The following MMP26 variants were observed in gnomAD, a reference collection of about 807,000 sequenced individuals.
The protein encoded by MMP26 is matrix metalloproteinase-26.
Under a neutral mutation model 31.0 loss-of-function variants are expected in MMP26, and 33 were observed. The ratio of observed to expected loss-of-function variants is 1.06; its 90% CI spans 0.81 to 1.42. MMP26 has a LOEUF of 1.42. MMP26 is among the 40% of genes most tolerant of loss of function. The pLI is 0.00. For missense variants in MMP26, 347 were observed against 316.1 expected (o/e 1.10, Z -0.74); for synonymous variants, 122 against 114.9 (o/e 1.06, Z -0.40).
chr11:4,943,388 A>G, intron 2 of MMP26: 3 of 408,630 alleles, frequency 7.3e-6, no homozygotes, highest in South Asian at 3.6e-5. Context: ...CTTCTCTGGT[A>G]TCAGATTGCC....
chr11:4,890,621 C>T (rs1157420151), intron 2 of MMP26: 1 of 152,108 alleles, frequency 6.6e-6, no homozygotes, highest in Non-Finnish European at 1.5e-5. Context: ...AAAGTATTCT[C>T]AGGTCTGAAA....
At chr11:4,870,792 G>T (rs541228335) in intron 2 of MMP26, among the ~76,000 whole-genome samples, 38 of 152,190 alleles carry the variant, frequency 2.5e-4, no homozygotes, top group South Asian at 1.2e-3. Context: ...TTTCCTATTT[G>T]TATTACAGTG....
At chr11:4,910,378 T>C (rs1850972722) in intron 2 of MMP26, among the ~76,000 whole-genome samples, 1 of 152,154 alleles carries the variant, frequency 6.6e-6, no homozygotes, top group Admixed American at 6.6e-5. Flanking sequence ...GTTTTGAATC[T>C]TAATCAGTCT....
rs781709452 is a variant in MMP26 at position 4,796,651 on chromosome 11, T to A, written c.-145+29310T>A. Among the ~76,000 whole-genome samples the A allele has an allele frequency of 4.0e-4, 61 of 152,156 alleles. 1 individual carries two copies. Among genetic ancestry groups the A allele is most frequent in the Non-Finnish European group, 2.2e-4 (15 of 68,026 alleles). ...GACAGGTCTGATAGGTGATTACTGTTTTACTCTGAGAAGAGAGGAAATAGA... is the reference window on the plus strand; with the variant it reads ...GACAGGTCTGATAGGTGATTACTGTATTACTCTGAGAAGAGAGGAAATAGA... On this transcript the variant is annotated intron_variant, in intron 2 of 7. Transcript: ENST00000380390.
At chr11:4,800,948 CAGCTCCCAAT>C (rs1849172671) in intron 2 of MMP26, among the ~76,000 whole-genome samples, 1 of 151,358 alleles carries the variant, frequency 6.6e-6, no homozygotes, top group African/African-American at 2.4e-5. Flanking sequence ...ACCTTAATTC[CAGCTCCCAAT>C]AGCTTCCTCA....
chr11:4,842,750 C>T (rs1286471507), intron 2 of MMP26, among the ~76,000 whole-genome samples: 1 of 152,138 alleles, frequency 6.6e-6, no homozygotes, highest in Non-Finnish European at 1.5e-5. Flanking sequence ...TCCCTATAGT[C>T]CCCCAAAGTC....
intron 2 of MMP26, among the ~76,000 whole-genome samples, chr11:4,851,185 C>T (rs1040838942): frequency 6.6e-6 from 1 of 152,158 alleles, no homozygotes. Context: ...AGTTGCCTAG[C>T]ATTTTGGCAA....
intron 2 of MMP26, chr11:4,849,111 G>A: frequency 1.2e-6 from 2 of 1,614,148 alleles, no homozygotes; most frequent in East Asian, 2.2e-5. Flanking sequence ...TGTCCACCAG[G>A]AGGGTGCACC....
intron 2 of MMP26, chr11:4,804,526 A>G (rs1849237764): frequency 1.3e-6 from 1 of 787,238 alleles, no homozygotes; most frequent in Non-Finnish European, 2.4e-6. Context: ...AACTAGAATA[A>G]TTTCAACTGT....
chr11:4,728,370 C>T (rs530308192), intron 1 of MMP26, among the ~76,000 whole-genome samples: 15 of 152,284 alleles, frequency 9.9e-5, no homozygotes, highest in East Asian at 7.7e-4. Flanking sequence ...AAATTGCCCT[C>T]GGACCAGTGG....
At chr11:4,839,671 C>A (rs956371009) in intron 2 of MMP26, among the ~76,000 whole-genome samples, 1 of 150,948 alleles carries the variant, frequency 6.6e-6, no homozygotes, top group Non-Finnish European at 1.5e-5. Context: ...CCTTGGACCC[C>A]GGACAACAAG....
At chr11:4,931,178 A>G (rs1041608837) in intron 2 of MMP26, among the ~76,000 whole-genome samples, 1 of 152,078 alleles carries the variant, frequency 6.6e-6, no homozygotes, top group Admixed American at 6.6e-5. Flanking sequence ...ATATTCTATG[A>G]CTGGATGAGT....
chr11:4,907,351 A>C, intron 2 of MMP26: 10 of 1,441,288 alleles, frequency 6.9e-6, no homozygotes, highest in Middle Eastern at 1.9e-4. Context: ...CCGGCTAACG[A>C]GCTCATATCT....
intron 1 of MMP26, chr11:4,710,026 G>C (rs1252863853): frequency 8.8e-6 from 4 of 456,570 alleles, no homozygotes; most frequent in African/African-American, 2.0e-5. Context: ...ATTGTTCTTA[G>C]GGGAACAACA....
At chr11:4,987,481 C>G (rs945130255) in intron 2 of MMP26, among the ~76,000 whole-genome samples, 1 of 151,656 alleles carries the variant, frequency 6.6e-6, no homozygotes, top group South Asian at 2.1e-4. Flanking sequence ...TGCAGTGGCG[C>G]GATCTCGGCT....
chr11:4,963,339 C>T (rs1846546762), intron 2 of MMP26, among the ~76,000 whole-genome samples: 1 of 152,134 alleles, frequency 6.6e-6, no homozygotes, highest in African/African-American at 2.4e-5. Flanking sequence ...AATGCTATCC[C>T]CATCAAGCTA....
intron 1 of MMP26, among the ~76,000 whole-genome samples, chr11:4,715,104 C>T (rs1847910558): frequency 6.6e-6 from 1 of 152,074 alleles, no homozygotes; most frequent in Non-Finnish European, 1.5e-5. Context: ...GGTCAGTTAA[C>T]AACTCTTGGA....
intron 1 of MMP26, among the ~76,000 whole-genome samples, chr11:4,735,925 A>G (rs1024857101): frequency 6.6e-6 from 1 of 152,064 alleles, no homozygotes; most frequent in Non-Finnish European, 1.5e-5. Flanking sequence ...ATACTTCCAA[A>G]CCTTTAGTAA....
At chr11:4,933,129 A>G (rs1223379593) in intron 2 of MMP26, among the ~76,000 whole-genome samples, 1 of 152,094 alleles carries the variant, frequency 6.6e-6, no homozygotes, top group Non-Finnish European at 1.5e-5. Context: ...AAGTATTGGG[A>G]GAATAATAAA....
Sources: allele counts gnomAD v4.1 joint callset (sites outside exome capture counted in the v4.1 genomes callset), GRCh38; gene constraint gnomAD v4.1.1; transcripts MANE v1.5; gene names NCBI Gene and HGNC (gene_info 2026-07-23, HGNC 2026-07-21).